The following ZNF276 variants were observed in gnomAD, a reference collection of about 807,000 sequenced individuals.
ZNF276 encodes centromere protein Z.
In ZNF276, 59 loss-of-function variants were observed where a neutral mutation model predicts 63.9. The observed-to-expected ratio is 0.92, with a 90% CI of 0.75 to 1.15. ZNF276 has a LOEUF of 1.15. ZNF276 is among the 50% of genes most tolerant of loss of function. The probability of loss-of-function intolerance (pLI) is 0.00; values close to 1 mark genes in which losing one functional copy is unlikely to be tolerated. For missense variants in ZNF276, 1,084 were observed against 843.8 expected, an observed-to-expected ratio of 1.28 and a Z score of -3.53; for synonymous variants, 496 against 348.4, an observed-to-expected ratio of 1.42 and a Z score of -4.72.
chr16:89,728,203 T>C (rs1597986816), intron 5 of ZNF276, among the ~76,000 whole-genome samples: 1 of 40,152 alleles, frequency 2.5e-5, no homozygotes, highest in Non-Finnish European at 5.9e-5. Flanking sequence ...GCCACAAATC[T>C]TTTTTTTTTT....
chr16:89,733,897 T>A (rs1435575460), intron 8 of ZNF276, 24 bp from the exon 9 acceptor site: 11 of 1,606,704 alleles, frequency 6.8e-6, no homozygotes, highest in Non-Finnish European at 6.8e-6. Flanking sequence ...GCTCTGAGGG[T>A]CTCTCACCGA....
Position 89,739,312 on chromosome 16 carries a change from A to C in ZNF276, c.*1066A>C. ...AGACTAGAGGTAAAGACATAGTGACAAATGGCTACAGACTGCTGGAAAGGT... is the reference window on the plus strand; with the variant it reads ...AGACTAGAGGTAAAGACATAGTGACCAATGGCTACAGACTGCTGGAAAGGT... On this transcript the variant is annotated 3_prime_UTR_variant, in exon 11 of 11. Coordinates refer to ENST00000443381, the MANE Select transcript of ZNF276 (RefSeq NM_001113525.2). 6.2e-7 allele frequency: 1 copy of C among 1,614,044 alleles called. No homozygotes were observed. Among genetic ancestry groups the C allele is most frequent in the South Asian group, 1.1e-5 (1 of 91,076 alleles).
chr16:89,740,469 T>G lies in ZNF276; in HGVS notation c.*2223T>G. 1 of 460,102 alleles carries G rather than the reference T, an allele frequency of 2.2e-6. No individual in the cohort carries two copies. Among genetic ancestry groups the G allele is most frequent in the Non-Finnish European group, 3.9e-6 (1 of 254,026 alleles). 28.5% of individuals were successfully genotyped at this position (460,102 alleles called of 1,614,324 possible). On this transcript the variant is annotated 3_prime_UTR_variant, in exon 11 of 11. Coordinates refer to ENST00000443381, the MANE Select transcript of ZNF276 (RefSeq NM_001113525.2). ...TGGCAATATGGTGAAACCCCGTCTC[T>G]ACTAAAAATACAAAAATTAGCCGGG...
intron 4 of ZNF276, among the ~76,000 whole-genome samples, chr16:89,725,283 G>A (rs2061435260): frequency 6.6e-6 from 1 of 151,404 alleles, no homozygotes; most frequent in African/African-American, 2.4e-5. Context: ...TCCTGACCTC[G>A]TGATCCACCT....
Position 89,722,577 on chromosome 16 carries a change from G to C in ZNF276, c.252G>C (p.Gly84=). ...TGGGTCACTGTCGCCTCTGCCACGG[G>C]AAGTTTTCCTCGAGAAGCCTGCGCA... ...LAMGHCRLCH[G]KFSSRSLRSI... Residue 84 remains glycine (G), a synonymous_variant, in exon 2 of 11, where the codon GGG becomes GGC. Transcript: ENST00000443381. 2 of 1,612,368 alleles carry C rather than the reference G, an allele frequency of 1.2e-6. No individual in the cohort carries two copies. The highest frequency in any genetic ancestry group is 4.5e-5 in the East Asian group (2 of 44,884).
rs761391823 is a variant in ZNF276, at chr16:89,723,607, C to G, written c.904C>G (p.Leu302Val). 5.6e-6 allele frequency: 9 copies of G among 1,612,784 alleles called. No individual in the cohort carries two copies. In the South Asian group the frequency reaches 8.8e-5, roughly 16 times the overall value. ...CCCAGTTGGGGCTGAGACCAAGACC[C>G]TGCCCAGCACGGATGTGGCCCAGCC... Reference protein sequence around the residue: ...GTPVGAETKTLPSTDVAQPPS... With the variant: ...GTPVGAETKTVPSTDVAQPPS... Residue 302 changes from leucine (L) to valine (V), a missense_variant, in exon 4 of 11, where the codon CTG (leucine) becomes GTG (valine). By Grantham distance (32) the Leu-to-Val change is conservative. Coordinates refer to ENST00000443381, the MANE Select transcript of ZNF276 (RefSeq NM_001113525.2).
Position 89,740,636 on chromosome 16 carries a change from C to CAAAAA in ZNF276, c.*2404_*2408dup, listed in dbSNP as rs371709074. The CAAAAA allele has an allele frequency of 0.03, 13,739 of 453,898 alleles. 236 individuals are homozygous for CAAAAA. Among genetic ancestry groups the CAAAAA allele is most frequent in the East Asian group, 0.062 (1,669 of 26,796 alleles). 28.1% of individuals were successfully genotyped at this position (453,898 alleles called of 1,614,324 possible). Reference sequence around the variant, plus strand: ...GGGTGACAGAGTGAGACCCCCATCTCAAAAAAAAAAAAAAAAAACCCACGG... The same window carrying CAAAAA: ...GGGTGACAGAGTGAGACCCCCATCTCAAAAAAAAAAAAAAAAAAAAAAACCCACGG... On this transcript the variant is annotated 3_prime_UTR_variant, in exon 11 of 11. Transcript: ENST00000443381.
At chr16:89,726,253 G>T (rs1166771709) in intron 4 of ZNF276, among the ~76,000 whole-genome samples, 2 of 152,110 alleles carry the variant, frequency 1.3e-5, no homozygotes, top group Non-Finnish European at 2.9e-5. Flanking sequence ...CTGGAGTGCA[G>T]TGGCACGATA....
chr16:89,731,766 T>C (rs776607103), intron 6 of ZNF276: 12 of 152,250 alleles, frequency 7.9e-5, no homozygotes, highest in Non-Finnish European at 1.8e-4. Context: ...GTATTGTTCA[T>C]TGATAATATA....
Position 89,722,628 on chromosome 16 carries a change from G to A in ZNF276, c.303G>A (p.Ala101=). The A allele has an allele frequency of 6.2e-7, 1 of 1,611,986 alleles. No homozygotes were observed. The highest frequency in any genetic ancestry group is 8.5e-7 in the Non-Finnish European group (1 of 1,180,028). Residue 101 remains alanine, a synonymous_variant, in exon 2 of 11, where the codon GCG becomes GCA. Coordinates refer to ENST00000443381, the MANE Select transcript of ZNF276 (RefSeq NM_001113525.2). ...LRSISERAPG[A]SMERPSAEER... is the part of the protein sequence containing the mutation. ...GCATCTCCGAGAGGGCGCCTGGAGC[G>A]AGCATGGAGAGGCCATCCGCAGAGG...
rs527729597 is a variant in ZNF276, at chr16:89,724,686, G to A, written c.1006+977G>A. 5.9e-5 allele frequency among the ~76,000 whole-genome samples: 9 copies of A among 152,266 alleles called. No individual in the cohort carries two copies. The East Asian group carries it at 1.2e-3, about 20-fold the overall frequency. On this transcript the variant is annotated intron_variant, in intron 4 of 10. Transcript: ENST00000443381. ...CTACCCAGATAGTTTAGCTAGATAC[G>A]GGTGCACAGATGAGACAGTGCGGCT...
intron 2 of ZNF276, 81 bp from the exon 3 acceptor site, chr16:89,723,056 G>C: frequency 6.2e-7 from 1 of 1,610,922 alleles, no homozygotes; most frequent in Non-Finnish European, 8.5e-7. Flanking sequence ...TGAGGTTTGA[G>C]ATCTCGAGAG....
chr16:89,736,182 C>T (rs1378649091), intron 9 of ZNF276, among the ~76,000 whole-genome samples: 16 of 152,074 alleles, frequency 1.1e-4, no homozygotes, highest in African/African-American at 2.4e-4. Context: ...TGAGCCATGA[C>T]GCCTGGGTAA....
chr16:89,720,415 G>A, upstream of ZNF276: 1 of 1,019,416 alleles, frequency 9.8e-7, no homozygotes, highest in Non-Finnish European at 1.2e-6. Context: ...TACCATCTCT[G>A]CCCAGAAAAA....
Position 89,738,368 on chromosome 16 carries a change from G to A in ZNF276, c.*122G>A, listed in dbSNP as rs1347935011. On this transcript the variant is annotated 3_prime_UTR_variant, in exon 11 of 11. Transcript: ENST00000443381. ...GTGCTGCCCGCCCTTGGTGCTGGAG[G>A]CGGGCTTGGTGTCCGGCTCAAGTAG... The A allele has an allele frequency of 6.2e-6, 9 of 1,452,110 alleles. No individual in the cohort carries two copies. Among genetic ancestry groups the A allele is most frequent in the Non-Finnish European group, 7.3e-6 (8 of 1,090,408 alleles). 90.0% of individuals were successfully genotyped at this position (1,452,110 alleles called of 1,614,324 possible). A position where few individuals can be genotyped will look rare whatever the true frequency, so the allele number is the denominator to read the frequency against.
rs1008198891 is a variant in ZNF276 at position 89,739,682 on chromosome 16, C to T, written c.*1436C>T. 6.6e-7 allele frequency: 1 copy of T among 1,517,538 alleles called. No homozygotes were observed. The highest frequency in any genetic ancestry group is 8.9e-7 in the Non-Finnish European group (1 of 1,125,290). 94.0% of individuals were successfully genotyped at this position (1,517,538 alleles called of 1,614,324 possible). A position where few individuals can be genotyped will look rare whatever the true frequency, so the allele number is the denominator to read the frequency against. On this transcript the variant is annotated 3_prime_UTR_variant, in exon 11 of 11. Transcript: ENST00000443381. ...TGTGGGGATAGTGTGGGGCGAACAG[C>T]CTGAGCTGAGGATACCCAGGTACCT...
rs551500340 is a variant in ZNF276, at chr16:89,729,431, T to C, written c.1169+113T>C. The C allele has an allele frequency of 9.4e-4, 899 of 958,984 alleles. 7 individuals carry two copies. The African/African-American group carries it at 0.013, about 14-fold the overall frequency. 59.4% of individuals were successfully genotyped at this position (958,984 alleles called of 1,614,324 possible). On this transcript the variant is annotated intron_variant, in intron 6 of 10. Transcript: ENST00000443381. ...CTCAGTTCACTCTCTCGTGTGCGGA[T>C]CTCCCGAGCCCAGTGAAACGTGGCT...
intron 9 of ZNF276, among the ~76,000 whole-genome samples, chr16:89,735,824 CCT>C (rs994146689): frequency 2.6e-5 from 4 of 152,234 alleles, no homozygotes; most frequent in African/African-American, 9.6e-5. Flanking sequence ...AAGCAATTCT[CCT>C]GTCTCAGCCT....
intron 9 of ZNF276, among the ~76,000 whole-genome samples, chr16:89,735,390 C>A (rs1031543799): frequency 2.6e-5 from 4 of 152,122 alleles, no homozygotes; most frequent in Non-Finnish European, 2.9e-5. Context: ...ATTATTTATT[C>A]TTACTTGAAT....
Sources: allele counts gnomAD v4.1 joint callset (sites outside exome capture counted in the v4.1 genomes callset), GRCh38; gene constraint gnomAD v4.1.1; transcripts MANE v1.5; gene names NCBI Gene and HGNC (gene_info 2026-07-23, HGNC 2026-07-21).